RUNDC3B: variants seen among roughly 807,000 people sequenced by gnomAD.
RUNDC3B encodes the protein RUN domain containing 3B, also known as RUN domain-containing protein 3B.
RUNDC3B carries 33 observed loss-of-function variants against 58.4 expected under a neutral mutation model. That is an observed-to-expected ratio of 0.56 (90% CI 0.43 to 0.75). The LOEUF is 0.75. Among genes scored for constraint, RUNDC3B ranks in the 30% least tolerant of loss-of-function variants. RUNDC3B has a pLI of 0.00. For synonymous variants in RUNDC3B, 193 were observed against 195.2 expected (o/e 0.99, Z 0.10); for missense variants, 501 against 535.7 (o/e 0.94, Z 0.64).
At chr7:87,638,718 C>T (rs935367995) in intron 1 of RUNDC3B, among the ~76,000 whole-genome samples, 1 of 151,886 alleles carries the variant, frequency 6.6e-6, no homozygotes, top group African/African-American at 2.4e-5. Context: ...TTATAATCTC[C>T]ATTTTCCCCA....
intron 10 of RUNDC3B, among the ~76,000 whole-genome samples, chr7:87,828,184 T>G (rs1359105029): frequency 6.6e-6 from 1 of 152,092 alleles, no homozygotes; most frequent in Non-Finnish European, 1.5e-5. Context: ...TTTTTAAAAT[T>G]ATTATGTTCA....
chr7:87,753,124 G>A (rs1385959860), intron 6 of RUNDC3B, among the ~76,000 whole-genome samples: 12 of 151,568 alleles, frequency 7.9e-5, no homozygotes, highest in Non-Finnish European at 1.3e-4. Flanking sequence ...CCTTCATTTC[G>A]TTATGTACCC....
chr7:87,679,176 TC>T lies in RUNDC3B; in HGVS notation c.239-21243del, dbSNP rs1387294652. 2.9e-5 allele frequency among the ~76,000 whole-genome samples: 4 copies of T among 137,482 alleles called. 1 individual carries two copies. In the Middle Eastern group the frequency reaches 0.011, roughly 374 times the overall value. 90.2% of individuals were successfully genotyped at this position (137,482 alleles called of 152,430 possible). ...GGCGCGATCTTGGCTCACTGCAAGC[TC>T]CTCCTCCTGGGTTCACACCATTCTC... is the stretch of plus-strand genomic sequence containing the variant. On this transcript the variant is annotated intron_variant, in intron 2 of 10. Transcript: ENST00000394654.
At chr7:87,713,726 T>G (rs1337575083) in intron 4 of RUNDC3B, among the ~76,000 whole-genome samples, 1 of 151,806 alleles carries the variant, frequency 6.6e-6, no homozygotes, top group African/African-American at 2.4e-5. Context: ...AAGTAAAAAT[T>G]GAATTAATTT....
chr7:87,789,951 C>T (rs1248194294), intron 8 of RUNDC3B, among the ~76,000 whole-genome samples: 3 of 152,240 alleles, frequency 2.0e-5, no homozygotes, highest in Non-Finnish European at 2.9e-5. Context: ...GCCTGGGCAA[C>T]TCACTGCCCT....
At chr7:87,693,507 T>C (rs149358515) in intron 2 of RUNDC3B, among the ~76,000 whole-genome samples, 1,563 of 152,328 alleles carry the variant, frequency 0.01, 29 homozygotes, top group African/African-American at 0.035. Context: ...TGAGTGATTT[T>C]TTTTCCTAAC....
chr7:87,798,901 A>G (rs1835967396), intron 8 of RUNDC3B, among the ~76,000 whole-genome samples: 1 of 152,210 alleles, frequency 6.6e-6, no homozygotes, highest in Non-Finnish European at 1.5e-5. Flanking sequence ...TTCTTTCAGT[A>G]TGTTTTCTTT....
Position 87,800,836 on chromosome 7 carries a change from A to G in RUNDC3B, c.957-6537A>G, listed in dbSNP as rs182893162. 3.3e-3 allele frequency among the ~76,000 whole-genome samples: 496 copies of G among 151,860 alleles called. 4 individuals are homozygous for G. The highest frequency in any genetic ancestry group is 2.2e-3 in the Non-Finnish European group (150 of 67,926). The stretch of plus-strand genomic sequence containing the variant: ...TAATTTTTAAAACTTTTTTGTATAG[A>G]TAGGTTCTCACTGTGTTGTCCAGGC... On this transcript the variant is annotated intron_variant, in intron 8 of 10. Transcript: ENST00000394654.
At chr7:87,771,685 G>C (rs905362856) in intron 7 of RUNDC3B, among the ~76,000 whole-genome samples, 10 of 152,206 alleles carry the variant, frequency 6.6e-5, no homozygotes, top group Non-Finnish European at 1.5e-4. Flanking sequence ...AGGGATGGGG[G>C]TGAAGGCATA....
chr7:87,797,485 T>G (rs903159205), intron 8 of RUNDC3B, among the ~76,000 whole-genome samples: 1 of 152,206 alleles, frequency 6.6e-6, no homozygotes, highest in African/African-American at 2.4e-5. Context: ...GGCAGTGGAT[T>G]CAGGTGGTGG....
At chr7:87,736,523 T>A (rs1325507477) in intron 4 of RUNDC3B, among the ~76,000 whole-genome samples, 1 of 151,840 alleles carries the variant, frequency 6.6e-6, no homozygotes, top group East Asian at 1.9e-4. Flanking sequence ...AATGTTTTTC[T>A]AATCAACATA....
intron 8 of RUNDC3B, among the ~76,000 whole-genome samples, chr7:87,781,579 T>C (rs142010978): frequency 6.6e-6 from 1 of 152,034 alleles, no homozygotes; most frequent in African/African-American, 2.4e-5. Flanking sequence ...AAGGGGAATG[T>C]TTCCAGCCTT....
At chr7:87,731,956 G>T (rs1365539066) in intron 4 of RUNDC3B, among the ~76,000 whole-genome samples, 1 of 152,150 alleles carries the variant, frequency 6.6e-6, no homozygotes, top group Non-Finnish European at 1.5e-5. Flanking sequence ...TCCAATGACT[G>T]CAGAATTCAC....
At chr7:87,708,037 C>G (rs1296032737) in intron 3 of RUNDC3B, among the ~76,000 whole-genome samples, 1 of 151,818 alleles carries the variant, frequency 6.6e-6, no homozygotes, top group Non-Finnish European at 1.5e-5. Context: ...CTTAAATAGG[C>G]TTTTGTGTAT....
chr7:87,648,324 A>G (rs1390626741), intron 1 of RUNDC3B, among the ~76,000 whole-genome samples: 3 of 152,176 alleles, frequency 2.0e-5, no homozygotes, highest in African/African-American at 7.2e-5. Flanking sequence ...GAATCTAGAT[A>G]TGCAGCCAAA....
intron 1 of RUNDC3B, among the ~76,000 whole-genome samples, chr7:87,645,542 T>G (rs192771953): frequency 3.9e-5 from 6 of 152,336 alleles, no homozygotes; most frequent in Admixed American, 2.0e-4. Context: ...ATGTAAAAGC[T>G]GTTACTTAGA....
intron 2 of RUNDC3B, among the ~76,000 whole-genome samples, chr7:87,679,159 C>T (rs969133608): frequency 3.8e-5 from 5 of 133,018 alleles, no homozygotes; most frequent in South Asian, 4.8e-4. Context: ...GTGGCGCGAT[C>T]TTGGCTCACT....
chr7:87,774,029 A>G lies in RUNDC3B; in HGVS notation c.798+3280A>G, dbSNP rs143039150. Among the ~76,000 whole-genome samples, 1,077 of 152,218 alleles carry G rather than the reference A, an allele frequency of 7.1e-3. 19 individuals are homozygous for G. Among genetic ancestry groups the G allele is most frequent in the African/African-American group, 0.024 (1,002 of 41,532 alleles). On this transcript the variant is annotated intron_variant, in intron 7 of 10. Coordinates refer to ENST00000394654, the MANE Select transcript of RUNDC3B (RefSeq NM_001134405.2). ...ACAAAACAAATGTCCACAAATACCA[A>G]AGAAATGATACAATATTATCATTTT... is the stretch of plus-strand genomic sequence containing the variant.
chr7:87,788,267 C>T (rs1002722162), intron 8 of RUNDC3B, among the ~76,000 whole-genome samples: 9 of 152,040 alleles, frequency 5.9e-5, no homozygotes, highest in South Asian at 4.1e-4. Context: ...CTACAAAATA[C>T]GAAAAATTAG....
Sources: allele counts gnomAD v4.1 joint callset (sites outside exome capture counted in the v4.1 genomes callset), GRCh38; gene constraint gnomAD v4.1.1; transcripts MANE v1.5; gene names NCBI Gene and HGNC (gene_info 2026-07-23, HGNC 2026-07-21).